DPP10: variants seen among roughly 807,000 people sequenced by gnomAD.
DPP10 encodes dipeptidyl peptidase like 10, also known as inactive dipeptidyl peptidase 10.
DPP10 carries 33 observed loss-of-function variants against 120.9 expected under a neutral mutation model. The ratio of observed to expected loss-of-function variants is 0.27; its 90% confidence interval spans 0.21 to 0.37. DPP10 has a LOEUF of 0.37. Ranked by LOEUF, DPP10 falls within the 10% of genes least tolerant of loss-of-function variation. DPP10 has a pLI of 1.00. For missense variants in DPP10, 816 were observed against 942.8 expected, an observed-to-expected ratio of 0.87 and a Z score of 1.76; for synonymous variants, 337 against 326.1, an observed-to-expected ratio of 1.03 and a Z score of -0.36.
chr2:114,979,404 A>G (rs1433782001), intron 1 of DPP10, among the ~76,000 whole-genome samples: 6 of 152,006 alleles, frequency 3.9e-5, no homozygotes, highest in Non-Finnish European at 8.8e-5. Context: ...TTTAACAAAT[A>G]TGTAATAAAA....
chr2:115,238,348 G>A (rs2058101955), intron 1 of DPP10, among the ~76,000 whole-genome samples: 1 of 152,158 alleles, frequency 6.6e-6, no homozygotes, highest in Non-Finnish European at 1.5e-5. Context: ...AACATTTTCT[G>A]TCAAAATATA....
At chr2:114,584,474 C>T (rs1690782973) in intron 1 of DPP10, among the ~76,000 whole-genome samples, 1 of 151,476 alleles carries the variant, frequency 6.6e-6, no homozygotes, top group South Asian at 2.1e-4. Flanking sequence ...ATACATGTGC[C>T]ATGTTGGTGT....
intron 1 of DPP10, among the ~76,000 whole-genome samples, chr2:114,623,299 C>T (rs1020654938): frequency 6.6e-6 from 1 of 152,054 alleles, no homozygotes; most frequent in Non-Finnish European, 1.5e-5. Flanking sequence ...TAGAAAATCT[C>T]CTGTGAAATA....
intron 3 of DPP10, among the ~76,000 whole-genome samples, chr2:115,415,420 A>G (rs2069299910): frequency 6.6e-6 from 1 of 152,270 alleles, no homozygotes; most frequent in Admixed American, 6.5e-5. Context: ...ATCCTATATC[A>G]ATAGTTGTTT....
intron 1 of DPP10, among the ~76,000 whole-genome samples, chr2:115,133,731 A>G (rs1204797732): frequency 6.6e-6 from 1 of 152,140 alleles, no homozygotes; most frequent in South Asian, 2.1e-4. Flanking sequence ...AACAATCTAC[A>G]GTCTTTAAGA....
At chr2:115,248,833 G>A (rs558197527) in intron 1 of DPP10, among the ~76,000 whole-genome samples, 5 of 152,188 alleles carry the variant, frequency 3.3e-5, no homozygotes, top group African/African-American at 9.6e-5. Flanking sequence ...CCATGTAACC[G>A]AGAAGATGAA....
intron 19 of DPP10, among the ~76,000 whole-genome samples, chr2:115,814,482 G>A (rs966431938): frequency 3.9e-5 from 6 of 152,210 alleles, no homozygotes; most frequent in Middle Eastern, 3.4e-3. Context: ...CTTTAGAAAT[G>A]CCTTTGGGAG....
At chr2:115,250,795 A>G (rs1276459012) in intron 1 of DPP10, among the ~76,000 whole-genome samples, 1 of 152,172 alleles carries the variant, frequency 6.6e-6, no homozygotes, top group African/African-American at 2.4e-5. Flanking sequence ...ACTTACTTCT[A>G]GAATTATATT....
intron 3 of DPP10, among the ~76,000 whole-genome samples, chr2:115,357,840 T>C (rs2064503175): frequency 6.6e-6 from 1 of 152,162 alleles, no homozygotes; most frequent in Non-Finnish European, 1.5e-5. Flanking sequence ...TGTGCACCCA[T>C]AGGACCAACA....
chr2:115,663,527 G>A (rs1354576923), intron 5 of DPP10, among the ~76,000 whole-genome samples: 1 of 152,106 alleles, frequency 6.6e-6, no homozygotes, highest in African/African-American at 2.4e-5. Context: ...ATGTCCATAG[G>A]CGAACTGCTT....
intron 3 of DPP10, among the ~76,000 whole-genome samples, chr2:115,471,773 T>TTTTG (rs1162138942): frequency 2.0e-5 from 1 of 49,520 alleles, no homozygotes; most frequent in African/African-American, 6.4e-5. Flanking sequence ...GTTTGTCTGT[T>TTTTG]TTTGTTTGTT....
At chr2:115,462,918 G>A (rs912105149) in intron 3 of DPP10, among the ~76,000 whole-genome samples, 2 of 152,142 alleles carry the variant, frequency 1.3e-5, no homozygotes, top group Non-Finnish European at 2.9e-5. Context: ...TTTTAGTAGA[G>A]TTGGGGTTTT....
At chr2:115,336,815 A>G (rs1203969755) in intron 2 of DPP10, among the ~76,000 whole-genome samples, 1 of 151,850 alleles carries the variant, frequency 6.6e-6, no homozygotes, top group Non-Finnish European at 1.5e-5. Flanking sequence ...TCTCAAAATG[A>G]TTTACAATCT....
At chr2:115,633,284 ACATGGATGAAGCTGGAAAC>A in intron 5 of DPP10, among the ~76,000 whole-genome samples, 1 of 152,302 alleles carries the variant, frequency 6.6e-6, no homozygotes, top group South Asian at 2.1e-4. Context: ...CTTTGTAGGG[ACATGGATGAAGCTGGAAAC>A]CATCATTCTC....
chr2:114,477,873 A>ATGTGTG (rs1680600549), intron 1 of DPP10, among the ~76,000 whole-genome samples: 1 of 148,740 alleles, frequency 6.7e-6, no homozygotes, highest in African/African-American at 2.5e-5. Context: ...ATATATGTAC[A>ATGTGTG]TATATGTGTA....
chr2:115,627,737 T>C (rs2085481337), intron 5 of DPP10, among the ~76,000 whole-genome samples: 1 of 152,110 alleles, frequency 6.6e-6, no homozygotes, highest in Non-Finnish European at 1.5e-5. Flanking sequence ...TGTCAATATG[T>C]TCTCATTGTT....
At chr2:115,837,055 T>C (rs955328692) in intron 24 of DPP10, among the ~76,000 whole-genome samples, 3 of 152,220 alleles carry the variant, frequency 2.0e-5, no homozygotes, top group African/African-American at 7.2e-5. Flanking sequence ...ACTGAGGAAC[T>C]GAATTGATTT....
At chr2:114,576,457 T>C (rs1164696183) in intron 1 of DPP10, among the ~76,000 whole-genome samples, 1 of 152,122 alleles carries the variant, frequency 6.6e-6, no homozygotes, top group Non-Finnish European at 1.5e-5. Flanking sequence ...ACAGTGAAAA[T>C]CTGTGCCTGG....
At position 115,660,303 on chromosome 2, in the gene DPP10, T is replaced by C. The variant is rs188687834; in HGVS notation, c.442-29384T>C. 4.3e-3 allele frequency among the ~76,000 whole-genome samples: 654 copies of C among 152,330 alleles called. 4 individuals are homozygous for C. Among genetic ancestry groups the C allele is most frequent in the African/African-American group, 0.015 (631 of 41,574 alleles). ...ATGTTTAACATAATCAAGGTGAACTTTTTTAGAGAGGCTTGCTTCATTTTT... is the reference window on the plus strand; with the variant it reads ...ATGTTTAACATAATCAAGGTGAACTCTTTTAGAGAGGCTTGCTTCATTTTT... On this transcript the variant is annotated intron_variant, in intron 5 of 25. Coordinates refer to ENST00000410059, the MANE Select transcript of DPP10 (RefSeq NM_020868.6).
Sources: allele counts gnomAD v4.1 joint callset (sites outside exome capture counted in the v4.1 genomes callset), GRCh38; gene constraint gnomAD v4.1.1; transcripts MANE v1.5; gene names NCBI Gene and HGNC (gene_info 2026-07-23, HGNC 2026-07-21).